STAB1: variants seen among roughly 807,000 people sequenced by gnomAD.
STAB1 encodes the protein stabilin-1.
A neutral mutation model predicts 332.4 loss-of-function variants in STAB1; 250 were observed. That is an observed-to-expected ratio of 0.75 (90% CI 0.68 to 0.84). The LOEUF (loss-of-function observed/expected upper bound fraction) is 0.84. STAB1 is among the 40% of genes least tolerant of loss of function. The pLI is 0.00. For synonymous variants in STAB1, 1,475 were observed against 1,390.4 expected (o/e 1.06, Z -1.35); for missense variants, 3,249 against 3,489.7 (o/e 0.93, Z 1.74).
chr3:52,514,472 C>G lies in STAB1; in HGVS notation c.3654C>G (p.Ile1218Met). ...CCCTCCTGGGCCCTGCCCACTGGAT[C>G]GTCTTCTACAACCACAGTGGCCAGG... The part of the protein sequence containing the change: ...RNSLLGPAHW[I>M]VFYNHSGQPE... Residue 1218 changes from isoleucine to methionine, a missense_variant, in exon 34 of 69, where the codon ATC becomes ATG. Coordinates refer to ENST00000321725, the MANE Select transcript of STAB1 (RefSeq NM_015136.3). 1 of 1,532,080 alleles carries G rather than the reference C, an allele frequency of 6.5e-7. No individual in the cohort carries two copies. The highest frequency in any genetic ancestry group is 1.8e-4 in the Middle Eastern group (1 of 5,666). 94.9% of individuals were successfully genotyped at this position (1,532,080 alleles called of 1,614,324 possible).
chr3:52,517,169 G>C (rs898822619), intron 42 of STAB1, 60 bp downstream of exon 42: 2 of 1,511,988 alleles, frequency 1.3e-6, no homozygotes, highest in Non-Finnish European at 1.8e-6. Flanking sequence ...TCAGTGATCT[G>C]AGTCAGATTA....
At chr3:52,519,910 C>T in intron 50 of STAB1, 34 bp from the exon 51 acceptor site, 4 of 1,538,938 alleles carry the variant, frequency 2.6e-6, no homozygotes, top group Non-Finnish European at 3.5e-6. Context: ...TCTGACTGGG[C>T]AGCGACTGCC....
In STAB1 at chr3:52,514,718, G is replaced by T; in HGVS notation, c.3696G>T (p.Val1232=). 10 of 1,613,102 alleles carry T rather than the reference G, an allele frequency of 6.2e-6. No homozygotes were observed. The highest frequency in any genetic ancestry group is 8.5e-6 in the Non-Finnish European group (10 of 1,179,988). ...NHSGQPEVNH[V]PLEGPMLEAP... is the part of the protein sequence containing the mutation. ...CTCCCCAGCCTGAGGTGAACCATGTGCCACTGGAAGGCCCCATGCTGGAGG... is the reference window on the plus strand; with the variant it reads ...CTCCCCAGCCTGAGGTGAACCATGTTCCACTGGAAGGCCCCATGCTGGAGG... Residue 1232 remains valine (V), a synonymous_variant, in exon 35 of 69, where the codon GTG becomes GTT. Coordinates refer to ENST00000321725, the MANE Select transcript of STAB1 (RefSeq NM_015136.3).
In STAB1 at chr3:52,522,554, G is replaced by A. The variant is rs141330268; in HGVS notation, c.6611-1G>A. ...TGACCATGCACCCCTCCATTCTGCA[G>A]AGAAACGGGCTGGCGTTTTCCACCT... On this transcript the variant is annotated splice_acceptor_variant, in intron 60 of 68. Transcript: ENST00000321725. LOFTEE classifies it high-confidence loss of function. 6.2e-7 allele frequency: 1 copy of A among 1,613,080 alleles called. No individual in the cohort carries two copies. The highest frequency in any genetic ancestry group is 2.2e-5 in the East Asian group (1 of 44,880).
chr3:52,524,416 T>C lies in STAB1; in HGVS notation c.*60T>C. 6.2e-7 allele frequency: 1 copy of C among 1,612,146 alleles called. No homozygotes were observed. The highest frequency in any genetic ancestry group is 1.7e-4 in the Middle Eastern group (1 of 6,060). ...GAGGAGACCACTTTTATTGCTTGTC[T>C]GGGTGGATGGGGCAGGAGGGGCTGA... is the stretch of plus-strand genomic sequence containing the variant. On this transcript the variant is annotated 3_prime_UTR_variant, in exon 69 of 69. Transcript: ENST00000321725.
rs541250477 is a variant in STAB1, at chr3:52,505,260, G to C, written c.1519-59G>C. The C allele has an allele frequency of 4.4e-6, 7 of 1,607,090 alleles. No individual in the cohort carries two copies. The South Asian group carries it at 4.4e-5, about 10-fold the overall frequency. On this transcript the variant is annotated intron_variant, in intron 13 of 68. Transcript: ENST00000321725. Reference sequence around the variant, plus strand: ...CAGGGCTGGAGCGCAGCTTCTCCCCGCTGGGCTGAAGCAGCCTCACCCCTT... The same window carrying C: ...CAGGGCTGGAGCGCAGCTTCTCCCCCCTGGGCTGAAGCAGCCTCACCCCTT...
At chr3:52,519,770 C>A in intron 50 of STAB1, 174 bp from the exon 51 acceptor site, 1 of 1,130,314 alleles carries the variant, frequency 8.8e-7, no homozygotes, top group Non-Finnish European at 1.2e-6. Flanking sequence ...TGCCCACATT[C>A]CTGACAGCAG....
chr3:52,513,330 C>G, intron 30 of STAB1, 89 bp downstream of exon 30: 1 of 1,325,856 alleles, frequency 7.5e-7, no homozygotes, highest in East Asian at 2.5e-5. Context: ...ATCAGGGGCC[C>G]CATGGGATGA....
intron 20 of STAB1, 55 bp from the exon 21 acceptor site, chr3:52,508,218 G>A (rs1709024719): frequency 3.2e-6 from 5 of 1,539,414 alleles, no homozygotes; most frequent in Non-Finnish European, 4.4e-6. Context: ...GAGGCAGCCT[G>A]GGCAGGGAGG....
intron 28 of STAB1, 90 bp downstream of exon 28, chr3:52,512,733 G>C: frequency 6.2e-7 from 1 of 1,611,052 alleles, no homozygotes; most frequent in Non-Finnish European, 8.5e-7. Flanking sequence ...CCAAGCGTGG[G>C]AGGTTGGGGG....
intron 1 of STAB1, among the ~76,000 whole-genome samples, chr3:52,499,915 A>AAG (rs1559666147): frequency 1.4e-5 from 2 of 145,706 alleles, no homozygotes; most frequent in African/African-American, 5.2e-5. Context: ...AAAAAAAAAA[A>AAG]AAAAAAAACT....
At position 52,516,998 on chromosome 3, in the gene STAB1, G is replaced by T. The variant is rs373154327; in HGVS notation, c.4378G>T (p.Ala1460Ser). 3 of 1,609,948 alleles carry T rather than the reference G, an allele frequency of 1.9e-6. No homozygotes were observed. Among genetic ancestry groups the T allele is most frequent in the Non-Finnish European group, 2.5e-6 (3 of 1,178,868 alleles). The change falls in exon 42 of 69, where the codon GCC (alanine) becomes TCC (serine). Residue 1460 changes from alanine to serine, a missense_variant. Coordinates refer to ENST00000321725, the MANE Select transcript of STAB1 (RefSeq NM_015136.3). ...GIFCSEVDPC[A>S]HGHGGCSPHA... ...TCTCCCCTTAGAGGTGGACCCCTGC[G>T]CCCACGGCCATGGGGGCTGCTCCCC...
intron 1 of STAB1, among the ~76,000 whole-genome samples, chr3:52,497,235 C>T (rs1708097345): frequency 6.6e-6 from 1 of 152,080 alleles, no homozygotes; most frequent in Admixed American, 6.5e-5. Flanking sequence ...GGTAATCCAC[C>T]TGCCTCAGCC....
Position 52,502,652 on chromosome 3 carries a change from G to C in STAB1, c.508G>C (p.Val170Leu), listed in dbSNP as rs1478537413. 10 of 1,613,510 alleles carry C rather than the reference G, an allele frequency of 6.2e-6. No homozygotes were observed. Among genetic ancestry groups the C allele is most frequent in the South Asian group, 1.1e-5 (1 of 91,080 alleles). ...CQSVCSCVHG[V>L]CNHGPRGDGS... ...CCCAGTGTGCAGCTGTGTGCACGGA[G>C]TGTGCAACCATGGGCCACGTGGGGA... Residue 170 changes from valine to leucine, a missense_variant, in exon 6 of 69, where the codon GTG becomes CTG. By Grantham distance (32) the Val-to-Leu change is conservative. Coordinates refer to ENST00000321725, the MANE Select transcript of STAB1 (RefSeq NM_015136.3).
At chr3:52,519,787 CAGTTG>C in intron 50 of STAB1, 152 bp from the exon 51 acceptor site, 1 of 1,160,882 alleles carries the variant, frequency 8.6e-7, no homozygotes, top group Non-Finnish European at 1.2e-6. Context: ...GCAGTGTGCA[CAGTTG>C]AGATGTGTGC....
At position 52,523,577 on chromosome 3, in the gene STAB1, G is replaced by T; in HGVS notation, c.7290+1G>T. The T allele has an allele frequency of 6.2e-7, 1 of 1,612,750 alleles. No homozygotes were observed. On this transcript the variant is annotated splice_donor_variant, in intron 65 of 68. Coordinates refer to ENST00000321725, the MANE Select transcript of STAB1 (RefSeq NM_015136.3). LOFTEE classifies it high-confidence loss of function. ...TGACAACAGTTCCTGGGCCCCTGTG[G>T]TGAGTCTGGCCACTGTCCCACCCTG...
At chr3:52,511,476 G>A (rs1308226734) in intron 25 of STAB1, among the ~76,000 whole-genome samples, 174 bp from the exon 26 acceptor site, 1 of 152,230 alleles carries the variant, frequency 6.6e-6, no homozygotes, top group Admixed American at 6.5e-5. Context: ...TCTCCCCTTA[G>A]GGCCTCTGTC....
rs753711243 is a variant in STAB1, at chr3:52,513,767, C to T, written c.3321C>T (p.Thr1107=). The change falls in exon 31 of 69, where the codon ACC becomes ACT. Residue 1107 remains threonine (T), a synonymous_variant. Transcript: ENST00000321725. ...TGGATGTGGCTGACCTCCTTGCCAC[C>T]AACGGTGTCCTACACATCCTCAGCC... ...ASVDVADLLA[T]NGVLHILSQV... 7.4e-6 allele frequency: 12 copies of T among 1,613,402 alleles called. No homozygotes were observed. In the East Asian group the frequency reaches 2.2e-4, roughly 30 times the overall value.
At chr3:52,495,632 G>T in intron 1 of STAB1, 141 bp downstream of exon 1, 2 of 762,988 alleles carry the variant, frequency 2.6e-6, no homozygotes, top group Non-Finnish European at 3.6e-6. Context: ...AGCAGGCCTG[G>T]GGGCTGGCTA....
Sources: gnomAD v4.1 joint callset for allele counts (sites outside exome capture counted in the v4.1 genomes callset) on GRCh38, gnomAD v4.1.1 for gene constraint, MANE v1.5 for transcripts, NCBI Gene and HGNC (gene_info 2026-07-23, HGNC 2026-07-21) for gene names.